The following DPYS variants were observed in gnomAD, a reference collection of about 807,000 sequenced individuals.
The protein encoded by DPYS is dihydropyrimidinase.
Under a neutral mutation model 50.3 loss-of-function variants are expected in DPYS, and 39 were observed. The observed-to-expected ratio is 0.78, with a 90% CI of 0.60 to 1.01. The LOEUF (loss-of-function observed/expected upper bound fraction) is 1.01. Among genes scored for constraint, DPYS ranks in the 50% least tolerant of loss-of-function variants. The pLI is 0.00. For missense variants in DPYS, 659 were observed against 680.9 expected (o/e 0.97, Z 0.36); for synonymous variants, 245 against 250.7 (o/e 0.98, Z 0.22).
chr8:104,416,305 C>A (rs1346751629), intron 7 of DPYS, among the ~76,000 whole-genome samples: 2 of 152,164 alleles, frequency 1.3e-5, no homozygotes, highest in Non-Finnish European at 2.9e-5. Flanking sequence ...GTATCTATAT[C>A]TAGCTACCTA....
At chr8:104,444,585 C>CACAA in intron 3 of DPYS, 148 bp from the exon 4 acceptor site, 1 of 728,330 alleles carries the variant, frequency 1.4e-6, no homozygotes. Context: ...TGTATATGAA[C>CACAA]ATATTTGTGT....
At chr8:104,463,622 G>A (rs1347864424) in intron 1 of DPYS, among the ~76,000 whole-genome samples, 1 of 152,196 alleles carries the variant, frequency 6.6e-6, no homozygotes, top group Admixed American at 6.5e-5. Context: ...TAAAAAAGTA[G>A]ACAATGGCAT....
intron 1 of DPYS, among the ~76,000 whole-genome samples, chr8:104,462,354 G>A (rs1162672277): frequency 6.6e-6 from 1 of 152,138 alleles, no homozygotes; most frequent in East Asian, 1.9e-4. Flanking sequence ...TCTTCCACAA[G>A]TTGCAGAAGC....
chr8:104,381,448 T>A, intron 8 of DPYS, 134 bp from the exon 9 acceptor site: 1 of 822,686 alleles, frequency 1.2e-6, no homozygotes, highest in South Asian at 1.5e-5. Context: ...CCCATCCCCT[T>A]GGCCTTTCAC....
rs767535896 is a variant in DPYS at position 104,424,312 on chromosome 8, T to A, written c.1170A>T (p.Pro390=). Reference sequence around the variant, plus strand: ...ATCCTACAGCTATTCTTCCTTTTCTTGGATAGAGATTAAAAATTTTGGCTG... The same window carrying A: ...ATCCTACAGCTATTCTTCCTTTTCTAGGATAGAGATTAAAAATTTTGGCTG... ...TNAAKIFNLY[P]RKGRIAVGSD... The change falls in exon 7 of 10, where the codon CCA becomes CCT. Residue 390 remains proline (P), a synonymous_variant. Transcript: ENST00000351513. 6.2e-7 allele frequency: 1 copy of A among 1,614,148 alleles called. No homozygotes were observed. The highest frequency in any genetic ancestry group is 8.5e-7 in the Non-Finnish European group (1 of 1,180,008).
intron 1 of DPYS, among the ~76,000 whole-genome samples, chr8:104,457,993 G>A (rs1813987648): frequency 6.6e-6 from 1 of 152,118 alleles, no homozygotes; most frequent in South Asian, 2.1e-4. Context: ...ACTGCCCGGT[G>A]CCACCTTCGT....
intron 1 of DPYS, among the ~76,000 whole-genome samples, chr8:104,464,375 G>A (rs1326183683): frequency 1.3e-5 from 2 of 152,186 alleles, no homozygotes; most frequent in Non-Finnish European, 2.9e-5. Context: ...AGAAAGAGAG[G>A]GAATGCCCCT....
intron 7 of DPYS, among the ~76,000 whole-genome samples, chr8:104,400,866 A>G (rs1049272481): frequency 5.3e-5 from 8 of 152,234 alleles, no homozygotes; most frequent in Non-Finnish European, 1.2e-4. Flanking sequence ...CACTCACATC[A>G]CAGCTGCAGA....
At chr8:104,395,376 A>G (rs926710066) in intron 7 of DPYS, among the ~76,000 whole-genome samples, 2 of 152,228 alleles carry the variant, frequency 1.3e-5, no homozygotes, top group African/African-American at 4.8e-5. Flanking sequence ...GAATGTTTAC[A>G]CATACATAGA....
chr8:104,380,829 A>T (rs1242223472), intron 9 of DPYS: 2 of 201,662 alleles, frequency 9.9e-6, no homozygotes, highest in Non-Finnish European at 2.1e-5. Context: ...TTCTCCAGAT[A>T]AGGTCCTAAT....
chr8:104,460,631 C>A lies in DPYS; in HGVS notation c.264+6026G>T, dbSNP rs555661125. Reference sequence around the variant, plus strand: ...GAAAACAAGGGGTGGAGGTGAAAAGCATGAACTATGGACTATCAAAGCTGA... The same window carrying A: ...GAAAACAAGGGGTGGAGGTGAAAAGAATGAACTATGGACTATCAAAGCTGA... On this transcript the variant is annotated intron_variant, in intron 1 of 9. Transcript: ENST00000351513. Among the ~76,000 whole-genome samples the A allele has an allele frequency of 4.6e-5, 7 of 152,258 alleles. No individual in the cohort carries two copies. The East Asian group carries it at 1.4e-3, about 29-fold the overall frequency.
At chr8:104,449,343 A>T (rs1414153007) in intron 2 of DPYS, among the ~76,000 whole-genome samples, 2 of 152,228 alleles carry the variant, frequency 1.3e-5, no homozygotes, top group East Asian at 1.9e-4. Context: ...AAGAGCCCTC[A>T]TTAATCATCC....
rs118082098 is a variant in DPYS at position 104,464,515 on chromosome 8, G to T, written c.264+2142C>A. ...AGTGGGCAACTCATGGTCAGAAATAGCAGCTCCCCACCTTGCAGGTGGGAG... is the reference window on the plus strand; with the variant it reads ...AGTGGGCAACTCATGGTCAGAAATATCAGCTCCCCACCTTGCAGGTGGGAG... On this transcript the variant is annotated intron_variant, in intron 1 of 9. Coordinates refer to ENST00000351513, the MANE Select transcript of DPYS (RefSeq NM_001385.3). Among the ~76,000 whole-genome samples, 57 of 152,338 alleles carry T rather than the reference G, an allele frequency of 3.7e-4. No individual in the cohort carries two copies. In the East Asian group the frequency reaches 0.011, roughly 29 times the overall value.
chr8:104,384,325 G>A (rs1454175729), intron 8 of DPYS, among the ~76,000 whole-genome samples: 1 of 152,182 alleles, frequency 6.6e-6, no homozygotes, highest in African/African-American at 2.4e-5. Context: ...GCTCTATGAT[G>A]GCTAGACTCA....
chr8:104,466,568 G>C, intron 1 of DPYS, 89 bp downstream of exon 1: 1 of 1,354,502 alleles, frequency 7.4e-7, no homozygotes. Flanking sequence ...CGCCGCGCGA[G>C]GCGGCCCTGC....
chr8:104,399,880 A>AAG (rs1377835424), intron 7 of DPYS, among the ~76,000 whole-genome samples: 4 of 150,940 alleles, frequency 2.7e-5, no homozygotes, highest in Non-Finnish European at 5.9e-5. Flanking sequence ...AAAAAAAAAA[A>AAG]AAAAAAAAAA....
intron 1 of DPYS, among the ~76,000 whole-genome samples, chr8:104,455,232 T>G (rs1813884086): frequency 6.6e-6 from 1 of 152,174 alleles, no homozygotes; most frequent in Admixed American, 6.5e-5. Context: ...ATCTGAGTCA[T>G]CAGGCCCTAG....
At chr8:104,397,294 C>T (rs1262439421) in intron 7 of DPYS, among the ~76,000 whole-genome samples, 1 of 152,214 alleles carries the variant, frequency 6.6e-6, no homozygotes, top group African/African-American at 2.4e-5. Context: ...CTTGACAAGG[C>T]TCTCTTTTCC....
At chr8:104,407,317 A>G (rs1176070633) in intron 7 of DPYS, among the ~76,000 whole-genome samples, 1 of 152,232 alleles carries the variant, frequency 6.6e-6, no homozygotes, top group Non-Finnish European at 1.5e-5. Flanking sequence ...ACAAGTCTAG[A>G]GCTAAATGCA....
Sources: gnomAD v4.1 joint callset for allele counts (sites outside exome capture counted in the v4.1 genomes callset) on GRCh38, gnomAD v4.1.1 for gene constraint, MANE v1.5 for transcripts, NCBI Gene and HGNC (gene_info 2026-07-23, HGNC 2026-07-21) for gene names.